Variants in ZNF804A observed in about 807,000 individuals in gnomAD.
ZNF804A encodes zinc finger protein 804A.
A neutral mutation model predicts 16.5 loss-of-function variants in ZNF804A; 2 were observed. The observed-to-expected ratio is 0.12, with a 90% CI of 0.05 to 0.38. The LOEUF (loss-of-function observed/expected upper bound fraction) is 0.38, where lower values mean the gene tolerates loss of function less well. ZNF804A is among the 10% of genes least tolerant of loss of function. The pLI is 0.99. For missense variants in ZNF804A, 1,473 were observed against 1,390.7 expected (o/e 1.06, Z -0.94); for synonymous variants, 534 against 489.6 (o/e 1.09, Z -1.20).
At chr2:184,717,441 T>G (rs920410968) in intron 1 of ZNF804A, among the ~76,000 whole-genome samples, 1 of 152,186 alleles carries the variant, frequency 6.6e-6, no homozygotes, top group African/African-American at 2.4e-5. Context: ...GTGCTTCCCT[T>G]TACCCAGTTT....
At chr2:184,808,572 T>C (rs1434604866) in intron 1 of ZNF804A, among the ~76,000 whole-genome samples, 3 of 151,528 alleles carry the variant, frequency 2.0e-5, no homozygotes. Context: ...AAAGCATATA[T>C]CATTTAGTTT....
Position 184,750,661 on chromosome 2 carries a change from A to G in ZNF804A, c.112-115708A>G, listed in dbSNP as rs543574702. Among the ~76,000 whole-genome samples, 51 of 151,562 alleles carry G rather than the reference A, an allele frequency of 3.4e-4. 1 individual carries two copies. In the East Asian group the frequency reaches 3.9e-3, roughly 12 times the overall value. On this transcript the variant is annotated intron_variant, in intron 1 of 3. Coordinates refer to ENST00000302277, the MANE Select transcript of ZNF804A (RefSeq NM_194250.2). ...CCAAAAGTTTTCTCCCATCTTCTTT[A>G]TTATTATGATTACTAATTTTATAAG...
At chr2:184,650,290 A>G (rs560195050) in intron 1 of ZNF804A, among the ~76,000 whole-genome samples, 2 of 152,220 alleles carry the variant, frequency 1.3e-5, no homozygotes, top group African/African-American at 4.8e-5. Flanking sequence ...TCAGAATCTA[A>G]GAATTAAAGT....
At chr2:184,912,743 T>TAA (rs1293997400) in intron 2 of ZNF804A, among the ~76,000 whole-genome samples, 1 of 152,162 alleles carries the variant, frequency 6.6e-6, no homozygotes, top group Non-Finnish European at 1.5e-5. Context: ...TTACCATTTG[T>TAA]AAATTTTCTG....
At chr2:184,700,512 T>C (rs1251799832) in intron 1 of ZNF804A, among the ~76,000 whole-genome samples, 1 of 152,020 alleles carries the variant, frequency 6.6e-6, no homozygotes, top group African/African-American at 2.4e-5. Context: ...AGTAGAATAA[T>C]AAACACCATA....
intron 1 of ZNF804A, among the ~76,000 whole-genome samples, chr2:184,739,607 A>G (rs1693682963): frequency 6.6e-6 from 1 of 152,068 alleles, no homozygotes; most frequent in South Asian, 2.1e-4. Context: ...GGCCAGGCTC[A>G]TCTCAAACTC....
intron 2 of ZNF804A, among the ~76,000 whole-genome samples, chr2:184,924,367 A>G (rs1418523136): frequency 6.6e-6 from 1 of 151,960 alleles, no homozygotes; most frequent in Non-Finnish European, 1.5e-5. Flanking sequence ...TGCTCATAGT[A>G]GCCACTAATA....
At chr2:184,912,129 C>G (rs1490898088) in intron 2 of ZNF804A, among the ~76,000 whole-genome samples, 5 of 152,020 alleles carry the variant, frequency 3.3e-5, no homozygotes, top group South Asian at 2.1e-4. Flanking sequence ...AAACAACTCT[C>G]TAAACTTTAT....
At chr2:184,857,723 C>A (rs1695723721) in intron 1 of ZNF804A, among the ~76,000 whole-genome samples, 1 of 151,996 alleles carries the variant, frequency 6.6e-6, no homozygotes, top group African/African-American at 2.4e-5. Context: ...ATATAATGAC[C>A]TTTTAATCTT....
chr2:184,740,715 CTT>C (rs1317250883), intron 1 of ZNF804A, among the ~76,000 whole-genome samples: 16 of 152,080 alleles, frequency 1.1e-4, no homozygotes, highest in African/African-American at 3.4e-4. Flanking sequence ...TTATATTCAA[CTT>C]ATTTCTAACT....
In ZNF804A at chr2:184,936,064, C is replaced by T. The variant is rs1352271829; in HGVS notation, c.668C>T (p.Ser223Phe). The T allele has an allele frequency of 6.2e-7, 1 of 1,613,868 alleles. No homozygotes were observed. Among genetic ancestry groups the T allele is most frequent in the African/African-American group, 1.3e-5 (1 of 74,912 alleles). The change falls in exon 4 of 4, where the codon TCC becomes TTC. Residue 223 changes from serine to phenylalanine, a missense_variant. Physicochemically the swap from Ser to Phe is radical, Grantham distance 155. Coordinates refer to ENST00000302277, the MANE Select transcript of ZNF804A (RefSeq NM_194250.2). ...TCTTTTGCATTTCCAAAGAAAGCGTCCGTGAAGCTAGAGTCCTCAGCTGCA... is the reference window on the plus strand; with the variant it reads ...TCTTTTGCATTTCCAAAGAAAGCGTTCGTGAAGCTAGAGTCCTCAGCTGCA... ...GFSFAFPKKA[S>F]VKLESSAAAF...
At chr2:184,618,753 T>C (rs1691371369) in intron 1 of ZNF804A, among the ~76,000 whole-genome samples, 1 of 152,140 alleles carries the variant, frequency 6.6e-6, no homozygotes, top group South Asian at 2.1e-4. Flanking sequence ...TTGCAGGCTG[T>C]TTATACCTAG....
At chr2:184,620,710 T>C (rs1474455244) in intron 1 of ZNF804A, among the ~76,000 whole-genome samples, 1 of 151,652 alleles carries the variant, frequency 6.6e-6, no homozygotes. Context: ...GAGAATTTCA[T>C]ATGGAAGGCA....
At chr2:184,670,282 C>T (rs980061781) in intron 1 of ZNF804A, among the ~76,000 whole-genome samples, 2 of 151,988 alleles carry the variant, frequency 1.3e-5, no homozygotes, top group African/African-American at 4.8e-5. Context: ...CTTTCCAGTA[C>T]ATGGTTTGTA....
In ZNF804A at chr2:184,924,425, T is replaced by G. The variant is rs921779375; in HGVS notation, c.256-9178T>G. ...CTGTTGCAATCTCTCCTTTTACATC[T>G]CTCATTTTATTTGGATCTTCTCTCT... is the stretch of plus-strand genomic sequence containing the variant. On this transcript the variant is annotated intron_variant, in intron 2 of 3. Transcript: ENST00000302277. Among the ~76,000 whole-genome samples, 10 of 151,930 alleles carry G rather than the reference T, an allele frequency of 6.6e-5. 1 individual carries two copies. The Middle Eastern group carries it at 0.014, about 207-fold the overall frequency.
intron 1 of ZNF804A, among the ~76,000 whole-genome samples, chr2:184,842,495 T>C (rs999101722): frequency 1.3e-5 from 2 of 152,022 alleles, no homozygotes; most frequent in Admixed American, 1.3e-4. Context: ...GCAAGGTGAT[T>C]TCCTTTTGGA....
intron 2 of ZNF804A, among the ~76,000 whole-genome samples, chr2:184,891,192 T>C (rs769786568): frequency 1.3e-5 from 2 of 152,312 alleles, no homozygotes; most frequent in African/African-American, 4.8e-5. Context: ...GGTCCCACTA[T>C]GGTTGTCAGC....
chr2:184,934,461 G>C (rs1685753112), intron 3 of ZNF804A, among the ~76,000 whole-genome samples: 1 of 151,916 alleles, frequency 6.6e-6, no homozygotes. Flanking sequence ...TAATGTTATG[G>C]GATACGTTGA....
At chr2:184,776,952 A>C (rs1164016345) in intron 1 of ZNF804A, among the ~76,000 whole-genome samples, 1 of 151,602 alleles carries the variant, frequency 6.6e-6, no homozygotes, top group Non-Finnish European at 1.5e-5. Context: ...GTTAGCATGT[A>C]AGGCATTTAT....
Sources: gnomAD v4.1 joint callset for allele counts (sites outside exome capture counted in the v4.1 genomes callset) on GRCh38, gnomAD v4.1.1 for gene constraint, MANE v1.5 for transcripts, NCBI Gene and HGNC (gene_info 2026-07-23, HGNC 2026-07-21) for gene names.